Variants in BICC1 observed in about 807,000 individuals in gnomAD.
The protein encoded by BICC1 is BicC family RNA binding protein 1.
In BICC1, 43 loss-of-function variants were observed where a neutral mutation model predicts 111.0. The observed-to-expected ratio is 0.39, with a 90% CI of 0.30 to 0.50. BICC1 has a LOEUF of 0.50. BICC1 is among the 20% of genes least tolerant of loss of function. BICC1 has a pLI of 0.88. For synonymous variants in BICC1, 467 were observed against 434.4 expected, an observed-to-expected ratio of 1.07 and a Z score of -0.93; for missense variants, 1,091 against 1,203.2, an observed-to-expected ratio of 0.91 and a Z score of 1.38.
chr10:58,799,961 A>G (rs1843487427), intron 12 of BICC1, among the ~76,000 whole-genome samples: 1 of 152,160 alleles, frequency 6.6e-6, no homozygotes, highest in Non-Finnish European at 1.5e-5. Flanking sequence ...GTTTAATGAT[A>G]TTGATTCTCC....
intron 2 of BICC1, among the ~76,000 whole-genome samples, chr10:58,647,127 A>G (rs1439664546): frequency 3.3e-5 from 5 of 152,202 alleles, no homozygotes; most frequent in Non-Finnish European, 4.4e-5. Context: ...TTTACTCTGT[A>G]AACTAGTCTG....
chr10:58,648,611 T>C (rs138894639), intron 2 of BICC1: 111 of 984,670 alleles, frequency 1.1e-4, no homozygotes, highest in African/African-American at 8.7e-4. Flanking sequence ...CTCTCTCTCT[T>C]TCTCTCTTAC....
chr10:58,739,961 A>G (rs1013200665), intron 3 of BICC1, among the ~76,000 whole-genome samples: 4 of 152,188 alleles, frequency 2.6e-5, no homozygotes, highest in Admixed American at 2.0e-4. Flanking sequence ...CTTTTTGGTA[A>G]TAGACTTTAG....
At position 58,743,380 on chromosome 10, in the gene BICC1, A is replaced by G. The variant is rs901889715; in HGVS notation, c.307+41237A>G. 6.3e-4 allele frequency among the ~76,000 whole-genome samples: 96 copies of G among 151,820 alleles called. 1 individual carries two copies. Among genetic ancestry groups the G allele is most frequent in the African/African-American group, 2.3e-3 (94 of 41,356 alleles). ...AGGCCAATGAAACTTGAGCTATAGAATGGCACACACATGCATCCAACAAAA... is the reference window on the plus strand; with the variant it reads ...AGGCCAATGAAACTTGAGCTATAGAGTGGCACACACATGCATCCAACAAAA... On this transcript the variant is annotated intron_variant, in intron 3 of 20. Coordinates refer to ENST00000373886, the MANE Select transcript of BICC1 (RefSeq NM_001080512.3).
chr10:58,778,879 G>T (rs1172179752), intron 3 of BICC1, among the ~76,000 whole-genome samples: 3 of 152,104 alleles, frequency 2.0e-5, no homozygotes, highest in Admixed American at 2.0e-4. Context: ...TACTGTCAAA[G>T]AACATTCCTT....
chr10:58,769,425 T>TATATATATATATATATAA (rs1385104345), intron 3 of BICC1, among the ~76,000 whole-genome samples: 14 of 145,036 alleles, frequency 9.7e-5, no homozygotes, highest in East Asian at 6.1e-4. Context: ...TATATATATA[T>TATATATATATATATATAA]AATCACAGTA....
At chr10:58,701,950 A>G in intron 2 of BICC1, 124 bp from the exon 3 acceptor site, 1 of 645,802 alleles carries the variant, frequency 1.5e-6, no homozygotes, top group Non-Finnish European at 2.6e-6. Flanking sequence ...TTGTTTTCAA[A>G]TGAGATCATT....
Position 58,573,036 on chromosome 10 carries a change from C to CAGAA in BICC1, c.191-47819_191-47818insAGAA, listed in dbSNP as rs1465970242. On this transcript the variant is annotated intron_variant, in intron 1 of 20. Transcript: ENST00000373886. ...TATTTGACTTTGGATCCTGTGTTTT[C>CAGAA]TAAGTTTTTACCTCAAACAAAATGA... Among the ~76,000 whole-genome samples the CAGAA allele has an allele frequency of 9.8e-3, 1,495 of 152,198 alleles. 31 individuals carry two copies. Among genetic ancestry groups the CAGAA allele is most frequent in the African/African-American group, 0.034 (1,418 of 41,526 alleles).
chr10:58,630,380 A>C lies in BICC1; in HGVS notation c.237+9479A>C, dbSNP rs1369103294. 5.9e-5 allele frequency among the ~76,000 whole-genome samples: 9 copies of C among 152,164 alleles called. 1 individual carries two copies. The highest frequency in any genetic ancestry group is 5.2e-4 in the Admixed American group (8 of 15,272). On this transcript the variant is annotated intron_variant, in intron 2 of 20. Transcript: ENST00000373886. ...ATGTTCCAGAGTGAGCGATGCTCCTACTTGGAGTTGGCACAGTTTGGGATG... is the reference window on the plus strand; with the variant it reads ...ATGTTCCAGAGTGAGCGATGCTCCTCCTTGGAGTTGGCACAGTTTGGGATG...
At chr10:58,525,280 A>G (rs1432569329) in intron 1 of BICC1, among the ~76,000 whole-genome samples, 1 of 119,038 alleles carries the variant, frequency 8.4e-6, no homozygotes, top group African/African-American at 2.7e-5. Flanking sequence ...TTATTGTGGC[A>G]CTATTCACAA....
chr10:58,752,597 ATCT>A (rs1361827925), intron 3 of BICC1, among the ~76,000 whole-genome samples: 1 of 152,094 alleles, frequency 6.6e-6, no homozygotes, highest in Non-Finnish European at 1.5e-5. Context: ...TTCTTCCTGA[ATCT>A]TCTTCTGATC....
chr10:58,535,842 A>G (rs975640006), intron 1 of BICC1, among the ~76,000 whole-genome samples: 1 of 151,596 alleles, frequency 6.6e-6, no homozygotes, highest in Non-Finnish European at 1.5e-5. Flanking sequence ...CACATCTAAC[A>G]CAAGGATTCT....
chr10:58,605,149 T>TA (rs1227500964), intron 1 of BICC1, among the ~76,000 whole-genome samples: 1 of 152,222 alleles, frequency 6.6e-6, no homozygotes, highest in Non-Finnish European at 1.5e-5. Context: ...TTGTCCTTTG[T>TA]ATTCTCTTTG....
chr10:58,806,522 T>G, intron 15 of BICC1, 62 bp from the exon 16 acceptor site: 1 of 1,428,776 alleles, frequency 7.0e-7, no homozygotes, highest in Admixed American at 1.7e-5. Context: ...TCTCTAACCA[T>G]GGAGTGTTGG....
chr10:58,651,752 C>G (rs1838456100), intron 2 of BICC1, among the ~76,000 whole-genome samples: 1 of 151,930 alleles, frequency 6.6e-6, no homozygotes, highest in South Asian at 2.1e-4. Context: ...CTTTTTTAAC[C>G]TGCTACATAA....
intron 1 of BICC1, among the ~76,000 whole-genome samples, chr10:58,558,358 C>A (rs1843512077): frequency 6.6e-6 from 1 of 152,070 alleles, no homozygotes. Flanking sequence ...TCTTTGGTTT[C>A]CAGGCCCAGT....
At chr10:58,616,191 T>TA (rs777452767) in intron 1 of BICC1, among the ~76,000 whole-genome samples, 97 of 152,276 alleles carry the variant, frequency 6.4e-4, no homozygotes, top group Non-Finnish European at 1.2e-3. Context: ...CCCACTCTGA[T>TA]ACCGAGGAGG....
intron 17 of BICC1, among the ~76,000 whole-genome samples, chr10:58,809,171 C>T (rs915933463): frequency 6.0e-5 from 9 of 151,080 alleles, no homozygotes; most frequent in African/African-American, 1.9e-4. Context: ...TACAGGCATG[C>T]GCCACAACGC....
At chr10:58,813,583 C>A (rs1843983490) in intron 17 of BICC1, among the ~76,000 whole-genome samples, 1 of 152,114 alleles carries the variant, frequency 6.6e-6, no homozygotes, top group Non-Finnish European at 1.5e-5. Context: ...CAGAACTCTC[C>A]CTCAGAATCT....
Sources: gnomAD v4.1 joint callset for allele counts (sites outside exome capture counted in the v4.1 genomes callset) on GRCh38, gnomAD v4.1.1 for gene constraint, MANE v1.5 for transcripts, NCBI Gene and HGNC (gene_info 2026-07-23, HGNC 2026-07-21) for gene names.